NDOR1: variants seen among roughly 807,000 people sequenced by gnomAD.
NDOR1 encodes the protein NADPH dependent diflavin oxidoreductase 1, also known as NADPH-dependent diflavin oxidoreductase 1.
NDOR1 carries 61 observed loss-of-function variants against 67.2 expected under a neutral mutation model. The observed-to-expected ratio is 0.91, with a 90% CI of 0.74 to 1.12. The LOEUF is 1.12. NDOR1 is among the 50% of genes most tolerant of loss of function. The probability of loss-of-function intolerance (pLI) is 0.00; values close to 1 mark genes in which losing one functional copy is unlikely to be tolerated. For missense variants in NDOR1, 878 were observed against 802.8 expected, an observed-to-expected ratio of 1.09 and a Z score of -1.13; for synonymous variants, 378 against 343.7, an observed-to-expected ratio of 1.10 and a Z score of -1.10.
At chr9:137,210,432 G>A (rs1432771244) in intron 2 of NDOR1, among the ~76,000 whole-genome samples, 1 of 151,094 alleles carries the variant, frequency 6.6e-6, no homozygotes, top group East Asian at 1.9e-4. Flanking sequence ...GGGGTCTCAA[G>A]CTTCTGGGCT....
rs1376214028 is a variant in NDOR1, at chr9:137,213,892, C to T, written c.410+14C>T. The T allele has an allele frequency of 2.5e-6, 4 of 1,599,768 alleles. No individual in the cohort carries two copies. Among genetic ancestry groups the T allele is most frequent in the Admixed American group, 1.7e-5 (1 of 58,074 alleles). On this transcript the variant is annotated intron_variant, in intron 4 of 13. Coordinates refer to ENST00000684003, the MANE Select transcript of NDOR1 (RefSeq NM_014434.4). ...GCATGAGCTGGGGTGAGTCTGCGGG[C>T]GTGGTACCCGCCTCCACAGTCTGGT...
chr9:137,205,923 G>A lies in NDOR1; in HGVS notation c.135+11G>A, dbSNP rs761720544. The A allele has an allele frequency of 2.0e-5, 32 of 1,578,316 alleles. 1 individual carries two copies. In the Admixed American group the frequency reaches 5.2e-4, roughly 26 times the overall value. ...GACTCCTACCCGGTGGTGAGGGCTC[G>A]CTAGGGCCTCGGCGTGGGGGACGAG... On this transcript the variant is annotated intron_variant, in intron 1 of 13. Transcript: ENST00000684003.
At position 137,218,764 on chromosome 9, in the gene NDOR1, A is replaced by G; in HGVS notation, c.*2348A>G. On this transcript the variant is annotated 3_prime_UTR_variant, in exon 14 of 14. Transcript: ENST00000684003. ...AAGACCTCCCATTGCTGAACCCACA[A>G]CCAGGGCTACCCAGAGGCCTGACCC... The G allele has an allele frequency of 2.5e-6, 1 of 397,094 alleles. No individual in the cohort carries two copies. The highest frequency in any genetic ancestry group is 4.4e-6 in the Non-Finnish European group (1 of 225,568). The allele number at this position is 397,094 out of a possible 1,614,324, so 24.6% of individuals were successfully genotyped here.
At position 137,212,594 on chromosome 9, in the gene NDOR1, C is replaced by G; in HGVS notation, c.306C>G (p.Tyr102Ter). ...FAVLGLGDSS[Y>*]AKFNFVAKKL... ...TCCTGGGCCTCGGGGACTCCTCATA[C>G]GCCAAGTGAGTAGGGGATGGGACAG... Residue 102 changes from tyrosine (Y) to a stop codon, truncating the protein, a stop_gained, in exon 3 of 14, where the codon TAC becomes TAG. Transcript: ENST00000684003. LOFTEE classifies it high-confidence loss of function. This position sits in a 1 kb window ranked among gnomAD's most constrained non-coding sequence, Gnocchi z 4.3. The G allele has an allele frequency of 6.2e-7, 1 of 1,613,016 alleles. No individual in the cohort carries two copies. The highest frequency in any genetic ancestry group is 8.5e-7 in the Non-Finnish European group (1 of 1,179,028).
At position 137,215,414 on chromosome 9, in the gene NDOR1, C is replaced by T. The variant is rs1835510836; in HGVS notation, c.1181C>T (p.Pro394Leu). ...FSIASSLLTH[P>L]SRLQILVAVV... ...CCCCGCCGTCCTCCCCAGACTCACCCCTCACGGCTGCAGATCCTCGTGGCT... is the reference window on the plus strand; with the variant it reads ...CCCCGCCGTCCTCCCCAGACTCACCTCTCACGGCTGCAGATCCTCGTGGCT... The change falls in exon 10 of 14, where the codon CCC becomes CTC. Residue 394 changes from proline to leucine, a missense_variant. Pro to Leu is a moderately conservative substitution (Grantham distance 98). Coordinates refer to ENST00000684003, the MANE Select transcript of NDOR1 (RefSeq NM_014434.4). 6.2e-7 allele frequency: 1 copy of T among 1,613,386 alleles called. No homozygotes were observed. Among genetic ancestry groups the T allele is most frequent in the Admixed American group, 1.7e-5 (1 of 60,004 alleles).
At chr9:137,210,258 G>C (rs758654031) in intron 2 of NDOR1, among the ~76,000 whole-genome samples, 42 of 152,266 alleles carry the variant, frequency 2.8e-4, no homozygotes, top group Non-Finnish European at 5.6e-4. Context: ...CTCTTGCTCT[G>C]TTGCCCAGGC....
rs7032361 is a variant in NDOR1, at chr9:137,205,772, A to G, written c.-6A>G. 577,958 of 1,602,444 alleles carry G rather than the reference A, an allele frequency of 0.36. 105,630 individuals carry two copies. The highest frequency in any genetic ancestry group is 0.4 in the African/African-American group (30,284 of 74,944). On this transcript the variant is annotated 5_prime_UTR_variant, in exon 1 of 14. Coordinates refer to ENST00000684003, the MANE Select transcript of NDOR1 (RefSeq NM_014434.4). ...AGTCTCAGACCAGACCACCGGGCGC[A>G]CCCCGATGCCGAGCCCGCAGCTTCT... is the stretch of plus-strand genomic sequence containing the variant.
At chr9:137,206,013 G>C in intron 1 of NDOR1, 101 bp downstream of exon 1, 4 of 1,485,588 alleles carry the variant, frequency 2.7e-6, no homozygotes, top group Non-Finnish European at 3.6e-6. Flanking sequence ...CTCTGAGAGC[G>C]GGTCTTTCCC....
At position 137,214,951 on chromosome 9, in the gene NDOR1, T is replaced by C. The variant is rs140913853; in HGVS notation, c.998T>C (p.Phe333Ser). The change falls in exon 8 of 14, where the codon TTC becomes TCC. Residue 333 changes from phenylalanine to serine, a missense_variant. Transcript: ENST00000684003. ...CTGGAGCGGGAGAAGCTGCTGGAGT[T>C]CAGTTCTGCCCAAGGCCAGGAGGAG... ...HELEREKLLE[F>S]SSAQGQEELF... 1.2e-3 allele frequency: 1,910 copies of C among 1,613,596 alleles called. 3 individuals carry two copies. Among genetic ancestry groups the C allele is most frequent in the Non-Finnish European group, 1.5e-3 (1,757 of 1,180,028 alleles).
chr9:137,218,614 G>A lies in NDOR1; in HGVS notation c.*2198G>A. The stretch of plus-strand genomic sequence containing the variant: ...GCTCTGGCCGCTGAGCAGAGCCCAG[G>A]ACAGCCCCGCCGCCAACAGGCCAGG... On this transcript the variant is annotated 3_prime_UTR_variant, in exon 14 of 14. Transcript: ENST00000684003. The A allele has an allele frequency of 2.5e-6, 1 of 398,622 alleles. No homozygotes were observed. The highest frequency in any genetic ancestry group is 4.4e-6 in the Non-Finnish European group (1 of 226,050). The allele number at this position is 398,622 out of a possible 1,614,324, so 24.7% of individuals were successfully genotyped here.
Position 137,212,391 on chromosome 9 carries a change from C to A in NDOR1, c.214-111C>A. On this transcript the variant is annotated intron_variant, in intron 2 of 13. Coordinates refer to ENST00000684003, the MANE Select transcript of NDOR1 (RefSeq NM_014434.4). This position sits in a 1 kb window ranked among gnomAD's most constrained non-coding sequence, Gnocchi z 4.3. Reference sequence around the variant, plus strand: ...TTGGTCAGATAGGTCCAGTTGTATTCTGCCCCCATCCTACCCACCTGCCTG... The same window carrying A: ...TTGGTCAGATAGGTCCAGTTGTATTATGCCCCCATCCTACCCACCTGCCTG... 1.1e-6 allele frequency: 1 copy of A among 900,520 alleles called. No individual in the cohort carries two copies. The highest frequency in any genetic ancestry group is 1.8e-6 in the Non-Finnish European group (1 of 555,496). The allele number at this position is 900,520 out of a possible 1,614,324, so 55.8% of individuals were successfully genotyped here.
rs1047999361 is a variant in NDOR1, at chr9:137,216,944, G to C, written c.*528G>C. The stretch of plus-strand genomic sequence containing the variant: ...AGAGCAGTGGGGGTGTCCCAGGCCA[G>C]AGCAGCCTCTTCCTCTCCTGGTCCC... On this transcript the variant is annotated 3_prime_UTR_variant, in exon 14 of 14. Coordinates refer to ENST00000684003, the MANE Select transcript of NDOR1 (RefSeq NM_014434.4). The C allele has an allele frequency of 5.5e-6, 1 of 181,168 alleles. No individual in the cohort carries two copies. The highest frequency in any genetic ancestry group is 1.2e-5 in the Non-Finnish European group (1 of 85,800). The allele number at this position is 181,168 out of a possible 1,614,324, so 11.2% of individuals were successfully genotyped here. A position where few individuals can be genotyped will look rare whatever the true frequency, so the allele number is the denominator to read the frequency against.
At position 137,214,930 on chromosome 9, in the gene NDOR1, A is replaced by T. The variant is rs777971852; in HGVS notation, c.977A>T (p.Glu326Val). ...LLACLSLHEL[E>V]REKLLEFSSA... ...GCCTGTCTATCCCTCCATGAGCTGG[A>T]GCGGGAGAAGCTGCTGGAGTTCAGT... The change falls in exon 8 of 14, where the codon GAG becomes GTG. Residue 326 changes from glutamate (E) to valine (V), a missense_variant. Glu to Val is a moderately radical substitution (Grantham distance 121). Coordinates refer to ENST00000684003, the MANE Select transcript of NDOR1 (RefSeq NM_014434.4). 3 of 1,613,320 alleles carry T rather than the reference A, an allele frequency of 1.9e-6. No homozygotes were observed. In the South Asian group the frequency reaches 3.3e-5, roughly 18 times the overall value.
At position 137,216,375 on chromosome 9, in the gene NDOR1, C is replaced by T. The variant is rs766134049; in HGVS notation, c.1753C>T (p.Leu585Phe). ...SPDAAAYLARLQQTRRFQTET... is the reference protein window; with the variant it reads ...SPDAAAYLARFQQTRRFQTET... ...GGACGCAGCCGCGTATCTAGCCAGG[C>T]TCCAGCAGACACGGCGCTTCCAGAC... The change falls in exon 14 of 14, where the codon CTC becomes TTC. Residue 585 changes from leucine (L) to phenylalanine (F), a missense_variant. Leu to Phe is a conservative substitution (Grantham distance 22, BLOSUM62 0). Transcript: ENST00000684003. The T allele has an allele frequency of 1.2e-6, 2 of 1,607,502 alleles. No homozygotes were observed. Among genetic ancestry groups the T allele is most frequent in the Admixed American group, 3.3e-5 (2 of 60,004 alleles).
intron 2 of NDOR1, among the ~76,000 whole-genome samples, chr9:137,210,739 T>A (rs1835213966): frequency 6.6e-6 from 1 of 151,900 alleles, no homozygotes; most frequent in East Asian, 1.9e-4. Context: ...CCCCACTACT[T>A]GGGAGGCTGA....
At chr9:137,213,655 C>T (rs1835368895) in intron 3 of NDOR1, 125 bp from the exon 4 acceptor site, 2 of 965,704 alleles carry the variant, frequency 2.1e-6, no homozygotes, top group South Asian at 1.5e-5. Flanking sequence ...GTGTGTTTTC[C>T]ACCCGAGGGA....
intron 9 of NDOR1, 21 bp from the exon 10 acceptor site, chr9:137,215,386 C>G (rs1225472255): frequency 3.2e-6 from 5 of 1,576,188 alleles, no homozygotes; most frequent in Admixed American, 3.3e-5. Flanking sequence ...TCCACCACCC[C>G]CACCCCGCCG....
In NDOR1 at chr9:137,219,302, G is replaced by A. The variant is rs971584284; in HGVS notation, c.*2886G>A. 2.0e-5 allele frequency: 3 copies of A among 152,212 alleles called. No homozygotes were observed. Among genetic ancestry groups the A allele is most frequent in the Non-Finnish European group, 4.4e-5 (3 of 68,078 alleles). 9.4% of individuals were successfully genotyped at this position (152,212 alleles called of 1,614,324 possible). A position where few individuals can be genotyped will look rare whatever the true frequency, so the allele number is the denominator to read the frequency against. On this transcript the variant is annotated 3_prime_UTR_variant, in exon 14 of 14. Transcript: ENST00000684003. ...GGATGGAGACATCAGGTGGCCCAGC[G>A]AGAGATGGAGGACTGATCCTGGAAC...
In NDOR1 at chr9:137,217,739, G is replaced by A. The variant is rs1012265598; in HGVS notation, c.*1323G>A. On this transcript the variant is annotated 3_prime_UTR_variant, in exon 14 of 14. Transcript: ENST00000684003. ...CCAGACCCTGCCTTCCCTGAGGGCC[G>A]CCCCTGTCGCCGCCCTGGGGTCCCT... 17 of 376,596 alleles carry A rather than the reference G, an allele frequency of 4.5e-5. No individual in the cohort carries two copies. Among genetic ancestry groups the A allele is most frequent in the Non-Finnish European group, 7.1e-5 (15 of 212,678 alleles). The allele number at this position is 376,596 out of a possible 1,614,324, so 23.3% of individuals were successfully genotyped here.
Sources: allele counts gnomAD v4.1 joint callset (sites outside exome capture counted in the v4.1 genomes callset), GRCh38; gene constraint gnomAD v4.1.1; non-coding constraint Gnocchi (gnomAD v3.1); transcripts MANE v1.5; gene names NCBI Gene and HGNC (gene_info 2026-07-23, HGNC 2026-07-21).